GABRA3: variants seen among roughly 807,000 people sequenced by gnomAD.
GABRA3 encodes the protein gamma-aminobutyric acid type A receptor subunit alpha3.
GABRA3 carries 10 observed loss-of-function variants against 30.1 expected under a neutral mutation model. That is an observed-to-expected ratio of 0.33 (90% CI 0.20 to 0.56). The LOEUF is 0.56. Ranked by LOEUF, GABRA3 falls within the 20% of genes least tolerant of loss-of-function variation. The probability of loss-of-function intolerance (pLI) is 0.89; values close to 1 mark genes in which losing one functional copy is unlikely to be tolerated. For missense variants in GABRA3, 233 were observed against 392.0 expected, an observed-to-expected ratio of 0.59 and a Z score of 3.42; for synonymous variants, 151 against 146.8, an observed-to-expected ratio of 1.03 and a Z score of -0.21.
At chrX:152,228,980 T>C (rs5970233) in intron 5 of GABRA3, among the ~76,000 whole-genome samples, 14,287 of 110,883 alleles carry the variant, frequency 0.13, 1,346 homozygotes, top group East Asian at 0.33. Context: ...TCATTATTAT[T>C]TTTACTAAAT....
rs776009178 is a variant in GABRA3, at chrX:152,296,706, T to C, written c.263-11971A>G. 1.0e-4 allele frequency among the ~76,000 whole-genome samples: 11 copies of C among 108,503 alleles called. No individual in the cohort carries two copies. The East Asian group carries it at 3.2e-3, about 31-fold the overall frequency. The allele number at this position is 108,503 out of a possible 115,157, so 94.2% of individuals were successfully genotyped here. On this transcript the variant is annotated intron_variant, in intron 3 of 9. Coordinates refer to ENST00000370314, the MANE Select transcript of GABRA3 (RefSeq NM_000808.4). ...AGCTGCTTTTCCTTTTCTTTCTCTT[T>C]TTTTTTTTTTTGAGACAGAGTCTCA...
chrX:152,423,881 G>A (rs1930443803), intron 1 of GABRA3, among the ~76,000 whole-genome samples: 1 of 110,609 alleles, frequency 9.0e-6, no homozygotes, highest in South Asian at 3.8e-4. Context: ...TATTACATTT[G>A]GATATTACAA....
At chrX:152,326,522 G>A (rs773879002) in intron 3 of GABRA3, among the ~76,000 whole-genome samples, 8 of 111,740 alleles carry the variant, frequency 7.2e-5, no homozygotes, top group South Asian at 7.7e-4. Context: ...AAAACTCTAC[G>A]AGCCAGAAGA....
At chrX:152,306,708 A>C (rs1158551717) in intron 3 of GABRA3, among the ~76,000 whole-genome samples, 4 of 112,193 alleles carry the variant, frequency 3.6e-5, no homozygotes, top group Non-Finnish European at 7.5e-5. Context: ...TGTTAGAAAA[A>C]ACAAAACAAA....
chrX:152,338,821 G>A (rs1487208374), intron 3 of GABRA3, among the ~76,000 whole-genome samples: 4 of 111,625 alleles, frequency 3.6e-5, no homozygotes, highest in Non-Finnish European at 5.6e-5. Context: ...TGGATCTTTC[G>A]TCCAAGATAA....
chrX:152,237,798 G>C (rs1392471359), intron 5 of GABRA3, among the ~76,000 whole-genome samples: 3 of 106,878 alleles, frequency 2.8e-5, no homozygotes, highest in African/African-American at 1.0e-4. Context: ...CTGTTTGTCT[G>C]TTGTTGGTGT....
At chrX:152,285,545 T>C (rs1273820356) in intron 3 of GABRA3, among the ~76,000 whole-genome samples, 3 of 112,123 alleles carry the variant, frequency 2.7e-5, no homozygotes, top group African/African-American at 9.7e-5. Context: ...TTTGCATGAA[T>C]GGATTAATCT....
chrX:152,445,819 T>C (rs1931074088), intron 1 of GABRA3, among the ~76,000 whole-genome samples: 1 of 111,855 alleles, frequency 8.9e-6, no homozygotes, highest in Non-Finnish European at 1.9e-5. Context: ...ACAAGTGATA[T>C]GTCACAACAA....
At chrX:152,291,592 T>C (rs988421472) in intron 3 of GABRA3, among the ~76,000 whole-genome samples, 12 of 111,922 alleles carry the variant, frequency 1.1e-4, no homozygotes, top group African/African-American at 3.9e-4. Flanking sequence ...CTTGTGCCAG[T>C]TTTCAAAGGG....
chrX:152,303,587 A>G (rs1939670206), intron 3 of GABRA3, among the ~76,000 whole-genome samples: 1 of 112,249 alleles, frequency 8.9e-6, no homozygotes, highest in Admixed American at 9.5e-5. Context: ...GATAGACTGG[A>G]TAAAGAAAAT....
chrX:152,388,559 T>C (rs1283767596), intron 1 of GABRA3, among the ~76,000 whole-genome samples: 2 of 112,260 alleles, frequency 1.8e-5, no homozygotes, highest in Admixed American at 1.9e-4. Flanking sequence ...AGAACACTAC[T>C]ATTTAGAATG....
intron 4 of GABRA3, among the ~76,000 whole-genome samples, chrX:152,258,707 G>A (rs1938678639): frequency 9.0e-6 from 1 of 111,462 alleles, no homozygotes; most frequent in African/African-American, 3.3e-5. Context: ...ATGACCACTT[G>A]ACTTATAACC....
chrX:152,389,932 AT>A (rs1323187575), intron 1 of GABRA3, among the ~76,000 whole-genome samples: 4 of 111,426 alleles, frequency 3.6e-5, no homozygotes, highest in Admixed American at 1.9e-4. Context: ...ATAAAAAAAA[AT>A]ATAGGAGCAG....
chrX:152,395,035 G>A (rs1403602100), intron 1 of GABRA3, among the ~76,000 whole-genome samples: 2 of 111,032 alleles, frequency 1.8e-5, no homozygotes, highest in African/African-American at 6.6e-5. Flanking sequence ...ATTCTTACTT[G>A]GGTAGATATG....
intron 4 of GABRA3, among the ~76,000 whole-genome samples, chrX:152,256,917 C>A (rs966547403): frequency 3.6e-5 from 4 of 111,267 alleles, no homozygotes; most frequent in Non-Finnish European, 5.7e-5. Context: ...TATACAACAC[C>A]CTTACTGGCT....
chrX:152,272,940 G>A (rs1347538922), intron 4 of GABRA3, among the ~76,000 whole-genome samples: 2 of 111,429 alleles, frequency 1.8e-5, no homozygotes, highest in African/African-American at 3.3e-5. Flanking sequence ...CCCCAGTCAT[G>A]CGGAACTGTG....
At chrX:152,329,196 AGGACACAAACAAAT>A (rs1234038086) in intron 3 of GABRA3, among the ~76,000 whole-genome samples, 1 of 112,025 alleles carries the variant, frequency 8.9e-6, no homozygotes, top group African/African-American at 3.2e-5. Flanking sequence ...GAAATAAAAG[AGGACACAAACAAAT>A]GGAGGAACAT....
chrX:152,323,937 T>C lies in GABRA3; in HGVS notation c.262+21644A>G, dbSNP rs192654286. Among the ~76,000 whole-genome samples the C allele has an allele frequency of 6.2e-4, 70 of 112,417 alleles. No individual in the cohort carries two copies. In the East Asian group the frequency reaches 0.013, roughly 21 times the overall value. On this transcript the variant is annotated intron_variant, in intron 3 of 9. Coordinates refer to ENST00000370314, the MANE Select transcript of GABRA3 (RefSeq NM_000808.4). Reference sequence around the variant, plus strand: ...CTTTGGAAACTAGCCCTTTGTCTCATTGAGCTACTATTTCTAATTTATATG... The same window carrying C: ...CTTTGGAAACTAGCCCTTTGTCTCACTGAGCTACTATTTCTAATTTATATG...
At chrX:152,388,453 C>T (rs1418634814) in intron 1 of GABRA3, among the ~76,000 whole-genome samples, 1 of 111,596 alleles carries the variant, frequency 9.0e-6, no homozygotes, top group Non-Finnish European at 1.9e-5. Context: ...TAGATTCTCA[C>T]CCTGCATGTG....
Sources: gnomAD v4.1 joint callset for allele counts (sites outside exome capture counted in the v4.1 genomes callset) on GRCh38, gnomAD v4.1.1 for gene constraint, MANE v1.5 for transcripts, NCBI Gene and HGNC (gene_info 2026-07-23, HGNC 2026-07-21) for gene names.